The following NUBPL variants were observed in gnomAD, a reference collection of about 807,000 sequenced individuals.
NUBPL encodes NUBP iron-sulfur cluster assembly factor, mitochondrial.
Under a neutral mutation model 45.7 loss-of-function variants are expected in NUBPL, and 31 were observed. That is an observed-to-expected ratio of 0.68 (90% confidence interval 0.51 to 0.92). The LOEUF is 0.92. NUBPL is among the 40% of genes least tolerant of loss of function. The probability of loss-of-function intolerance (pLI) is 0.00; values close to 1 mark genes in which losing one functional copy is unlikely to be tolerated. For missense variants in NUBPL, 401 were observed against 398.7 expected (o/e 1.01, Z -0.05); for synonymous variants, 144 against 140.9 (o/e 1.02, Z -0.15).
intron 10 of NUBPL, among the ~76,000 whole-genome samples, chr14:31,853,997 G>A (rs2040580161): frequency 6.6e-6 from 1 of 152,162 alleles, no homozygotes; most frequent in African/African-American, 2.4e-5. Flanking sequence ...TATCAAGTAA[G>A]AATATTAGCT....
chr14:31,625,834 G>A (rs995878796), intron 4 of NUBPL, among the ~76,000 whole-genome samples: 15 of 152,094 alleles, frequency 9.9e-5, no homozygotes, highest in Non-Finnish European at 1.8e-4. Context: ...AACACATTAA[G>A]TACCATAGTA....
chr14:31,780,305 G>A (rs191344785), intron 6 of NUBPL, among the ~76,000 whole-genome samples: 4 of 151,914 alleles, frequency 2.6e-5, no homozygotes, highest in East Asian at 1.9e-4. Context: ...TCCTGACCTC[G>A]TGATCCACCC....
intron 7 of NUBPL, among the ~76,000 whole-genome samples, chr14:31,812,571 C>T (rs2039829847): frequency 6.6e-6 from 1 of 152,162 alleles, no homozygotes; most frequent in South Asian, 2.1e-4. Flanking sequence ...AAGGGAAATC[C>T]CCCGACCCCT....
chr14:31,791,424 C>T (rs1566563697), intron 7 of NUBPL, among the ~76,000 whole-genome samples: 1 of 152,080 alleles, frequency 6.6e-6, no homozygotes, highest in Non-Finnish European at 1.5e-5. Context: ...TAAGTCTATT[C>T]CCTAGACAAG....
chr14:31,752,900 A>T (rs1335040849), intron 6 of NUBPL, among the ~76,000 whole-genome samples: 1 of 152,174 alleles, frequency 6.6e-6, no homozygotes, highest in Non-Finnish European at 1.5e-5. Flanking sequence ...GGAAGCAGGG[A>T]CTTTCTTCAT....
intron 4 of NUBPL, among the ~76,000 whole-genome samples, chr14:31,607,949 A>G (rs1465645818): frequency 6.6e-6 from 1 of 152,220 alleles, no homozygotes; most frequent in African/African-American, 2.4e-5. Context: ...TTAATAATCA[A>G]ACTCCCAAAG....
chr14:31,653,780 G>A (rs1339358033), intron 4 of NUBPL, among the ~76,000 whole-genome samples: 1 of 152,180 alleles, frequency 6.6e-6, no homozygotes, highest in Non-Finnish European at 1.5e-5. Context: ...ACTGATAAAT[G>A]TCCAGGAAAT....
At chr14:31,765,303 C>T (rs1326682993) in intron 6 of NUBPL, among the ~76,000 whole-genome samples, 4 of 152,150 alleles carry the variant, frequency 2.6e-5, no homozygotes, top group Non-Finnish European at 4.4e-5. Context: ...CATCTAGGCA[C>T]ATGGAAAAGA....
chr14:31,651,682 A>G lies in NUBPL; in HGVS notation c.383-21673A>G, dbSNP rs559555943. On this transcript the variant is annotated intron_variant, in intron 4 of 10. Transcript: ENST00000281081. ...TGGAGGCTGAGGCAGGTGGATCACA[A>G]GGTCAGGAGATCGAGACAATCCTGG... is the stretch of plus-strand genomic sequence containing the variant. Among the ~76,000 whole-genome samples the G allele has an allele frequency of 3.1e-3, 470 of 152,226 alleles. 2 individuals are homozygous for G. The highest frequency in any genetic ancestry group is 0.011 in the African/African-American group (437 of 41,544).
At chr14:31,813,762 A>C (rs1275107625) in intron 7 of NUBPL, among the ~76,000 whole-genome samples, 1 of 151,960 alleles carries the variant, frequency 6.6e-6, no homozygotes, top group Non-Finnish European at 1.5e-5. Context: ...TTCAACTCCC[A>C]CTTATAAGTG....
intron 4 of NUBPL, among the ~76,000 whole-genome samples, chr14:31,645,734 A>T (rs1418212717): frequency 6.6e-6 from 1 of 151,848 alleles, no homozygotes; most frequent in Non-Finnish European, 1.5e-5. Flanking sequence ...AAGAAATAAT[A>T]GAAACAAATA....
At chr14:31,778,785 G>C (rs1302697956) in intron 6 of NUBPL, among the ~76,000 whole-genome samples, 1 of 152,186 alleles carries the variant, frequency 6.6e-6, no homozygotes, top group Non-Finnish European at 1.5e-5. Flanking sequence ...ACTCAGCAAT[G>C]GGAAGTGGCC....
At chr14:31,834,262 C>G (rs1218575972) in intron 8 of NUBPL, among the ~76,000 whole-genome samples, 5 of 147,948 alleles carry the variant, frequency 3.4e-5, no homozygotes, top group South Asian at 2.1e-4. Context: ...CTCACTGCAA[C>G]CTCCGCCTCC....
chr14:31,668,175 A>G lies in NUBPL; in HGVS notation c.383-5180A>G, dbSNP rs977809697. Among the ~76,000 whole-genome samples the G allele has an allele frequency of 1.2e-4, 18 of 152,326 alleles. No homozygotes were observed. The East Asian group carries it at 2.1e-3, about 18-fold the overall frequency. On this transcript the variant is annotated intron_variant, in intron 4 of 10. Transcript: ENST00000281081. ...TGCATCCACAGCTGCGCCTTCCTCCAGGTGCTCTGTCCCAGGGAGATGGGG... is the reference window on the plus strand; with the variant it reads ...TGCATCCACAGCTGCGCCTTCCTCCGGGTGCTCTGTCCCAGGGAGATGGGG...
At chr14:31,597,072 C>T (rs2034303011) in intron 3 of NUBPL, among the ~76,000 whole-genome samples, 1 of 152,134 alleles carries the variant, frequency 6.6e-6, no homozygotes, top group Non-Finnish European at 1.5e-5. Flanking sequence ...CTTCCTCCGT[C>T]CTTAATCCCT....
At chr14:31,806,691 A>G (rs2039693484) in intron 7 of NUBPL, among the ~76,000 whole-genome samples, 2 of 152,140 alleles carry the variant, frequency 1.3e-5, no homozygotes, top group Admixed American at 1.3e-4. Context: ...ACATATGTGT[A>G]TACATGTGCC....
Position 31,732,043 on chromosome 14 carries a change from A to G in NUBPL, c.514-55737A>G, listed in dbSNP as rs554069218. Among the ~76,000 whole-genome samples the G allele has an allele frequency of 7.9e-5, 12 of 151,996 alleles. No individual in the cohort carries two copies. The East Asian group carries it at 1.9e-3, about 25-fold the overall frequency. On this transcript the variant is annotated intron_variant, in intron 6 of 10. Transcript: ENST00000281081. Reference sequence around the variant, plus strand: ...CGGTGAAATCCCGTCTCTACTAAAAATACAAAAAAGCCGGGCATGGTGTGC... The same window carrying G: ...CGGTGAAATCCCGTCTCTACTAAAAGTACAAAAAAGCCGGGCATGGTGTGC...
At chr14:31,635,952 C>A (rs1566463987) in intron 4 of NUBPL, among the ~76,000 whole-genome samples, 1 of 152,192 alleles carries the variant, frequency 6.6e-6, no homozygotes, top group East Asian at 1.9e-4. Flanking sequence ...TATCCTGAGA[C>A]TTTGCTGAAG....
At chr14:31,579,689 A>G (rs1390482560) in intron 3 of NUBPL, among the ~76,000 whole-genome samples, 1 of 152,212 alleles carries the variant, frequency 6.6e-6, no homozygotes, top group African/African-American at 2.4e-5. Context: ...ATCTCATAGC[A>G]CATTTTCCAG....
Sources: gnomAD v4.1 joint callset for allele counts (sites outside exome capture counted in the v4.1 genomes callset) on GRCh38, gnomAD v4.1.1 for gene constraint, MANE v1.5 for transcripts, NCBI Gene and HGNC (gene_info 2026-07-23, HGNC 2026-07-21) for gene names.